Variants in CACNA1B observed in about 807,000 individuals in gnomAD.
CACNA1B encodes the protein calcium voltage-gated channel subunit alpha1 B.
A neutral mutation model predicts 247.2 loss-of-function variants in CACNA1B; 70 were observed. That is an observed-to-expected ratio of 0.28 (90% CI 0.23 to 0.35). The LOEUF is 0.35. CACNA1B is among the 10% of genes least tolerant of loss of function. The probability of loss-of-function intolerance (pLI) is 1.00; values close to 1 mark genes in which losing one functional copy is unlikely to be tolerated. For missense variants in CACNA1B, 2,367 were observed against 3,197.4 expected (o/e 0.74, Z 6.26); for synonymous variants, 1,231 against 1,294.4 (o/e 0.95, Z 1.05).
chr9:137,993,509 G>T (rs963850508), intron 15 of CACNA1B, among the ~76,000 whole-genome samples: 1 of 152,016 alleles, frequency 6.6e-6, no homozygotes, highest in Non-Finnish European at 1.5e-5. Context: ...TGAAATGGGA[G>T]ATATTACTAC....
At chr9:137,944,694 C>T (rs1178472193) in intron 6 of CACNA1B, among the ~76,000 whole-genome samples, 1 of 152,130 alleles carries the variant, frequency 6.6e-6, no homozygotes, top group African/African-American at 2.4e-5. Flanking sequence ...CCTAGCTTTT[C>T]TGTATGTTGT....
At chr9:137,947,975 CTTTTTTTTTTT>C (rs71387878) in intron 6 of CACNA1B, among the ~76,000 whole-genome samples, 18 of 79,442 alleles carry the variant, frequency 2.3e-4, no homozygotes, top group Non-Finnish European at 3.4e-4. Flanking sequence ...TTCAGCATTC[CTTTTTTTTTTT>C]TTTTTTTTTT....
chr9:138,040,233 T>G (rs1485698015), intron 20 of CACNA1B, among the ~76,000 whole-genome samples: 1 of 152,136 alleles, frequency 6.6e-6, no homozygotes, highest in Non-Finnish European at 1.5e-5. Flanking sequence ...CCACTGCGCC[T>G]GGCCTATATT....
chr9:137,930,795 C>A (rs978018981), intron 6 of CACNA1B, among the ~76,000 whole-genome samples: 4 of 151,732 alleles, frequency 2.6e-5, no homozygotes, highest in African/African-American at 7.3e-5. Context: ...TTTAGACTTG[C>A]TATTTTTTTT....
chr9:138,047,329 G>A (rs566312894), intron 22 of CACNA1B, 70 bp from the exon 23 acceptor site: 29 of 1,197,718 alleles, frequency 2.4e-5, no homozygotes, highest in East Asian at 1.2e-4. Flanking sequence ...GGAAAAACTC[G>A]GAGCCACCGA....
rs1455134094 is a variant in CACNA1B at position 138,102,571 on chromosome 9, G to T, written c.5223-140G>T. On this transcript the variant is annotated intron_variant, in intron 37 of 46. Transcript: ENST00000371372. The surrounding 1 kb of genome is among the most constrained non-coding windows in gnomAD (Gnocchi z 5.4). ...TATTTTGATTTTGGGCTTTGAATCC[G>T]ACACTTTGATTAACTGGCTCTGTTT... 27 of 536,306 alleles carry T rather than the reference G, an allele frequency of 5.0e-5. 1 individual carries two copies. Among genetic ancestry groups the T allele is most frequent in the South Asian group, 3.8e-4 (15 of 39,966 alleles). The allele number at this position is 536,306 out of a possible 1,614,324, so 33.2% of individuals were successfully genotyped here. A position where few individuals can be genotyped will look rare whatever the true frequency, so the allele number is the denominator to read the frequency against.
In CACNA1B at chr9:138,012,453, C is replaced by T. The variant is rs902980065; in HGVS notation, c.2161-676C>T. Among the ~76,000 whole-genome samples the T allele has an allele frequency of 6.6e-6, 1 of 152,072 alleles. No homozygotes were observed. The highest frequency in any genetic ancestry group is 1.9e-4 in the East Asian group (1 of 5,162). On this transcript the variant is annotated intron_variant, in intron 17 of 46. Transcript: ENST00000371372. The surrounding 1 kb of genome is among the most constrained non-coding windows in gnomAD (Gnocchi z 4.2). The stretch of plus-strand genomic sequence containing the variant: ...CAAGTTTGAGGTGCCATGGTACAGA[C>T]AAGCTGAAGGCCAGGCATGGTAGCT...
chr9:137,921,289 C>A (rs1192093237), intron 6 of CACNA1B, among the ~76,000 whole-genome samples: 5 of 150,728 alleles, frequency 3.3e-5, no homozygotes, highest in Non-Finnish European at 7.4e-5. Flanking sequence ...GTAAAGCGTT[C>A]GGAGAACATG....
rs760974649 is a variant in CACNA1B at position 138,007,769 on chromosome 9, A to C, written c.2092+885A>C. Among the ~76,000 whole-genome samples the C allele has an allele frequency of 5.9e-5, 9 of 152,138 alleles. No homozygotes were observed. The highest frequency in any genetic ancestry group is 1.0e-4 in the Non-Finnish European group (7 of 68,014). Reference sequence around the variant, plus strand: ...TGACAGAACACCCCACAGGGCCCCGAGGAGCTGGAGACAATGTCTCACAGT... The same window carrying C: ...TGACAGAACACCCCACAGGGCCCCGCGGAGCTGGAGACAATGTCTCACAGT... On this transcript the variant is annotated intron_variant, in intron 16 of 46. Coordinates refer to ENST00000371372, the MANE Select transcript of CACNA1B (RefSeq NM_000718.4). This position sits in a 1 kb window ranked among gnomAD's most constrained non-coding sequence, Gnocchi z 4.1.
chr9:138,063,285 G>T (rs918244201), intron 31 of CACNA1B, among the ~76,000 whole-genome samples: 1 of 152,172 alleles, frequency 6.6e-6, no homozygotes, highest in Admixed American at 6.5e-5. Context: ...TTCAGCCTAG[G>T]AGTTGGAGAC....
intron 6 of CACNA1B, among the ~76,000 whole-genome samples, chr9:137,939,279 A>T (rs1032304619): frequency 6.6e-6 from 1 of 152,204 alleles, no homozygotes; most frequent in Non-Finnish European, 1.5e-5. Context: ...TCATCAGTGT[A>T]TGGAACTCTC....
At position 137,986,845 on chromosome 9, in the gene CACNA1B, T is replaced by C. The variant is rs1318867494; in HGVS notation, c.1965T>C (p.Thr655=). ...ACACCTTCCCTGCCGCCATCCTCAC[T>C]GTCTTCCAGGTAAGGCACCTGCTCT... ...NFDTFPAAIL[T]VFQILTGEDW... Residue 655 remains threonine (T), a synonymous_variant, in exon 15 of 47, where the codon ACT becomes ACC. Transcript: ENST00000371372. The surrounding 1 kb of genome is among the most constrained non-coding windows in gnomAD (Gnocchi z 6.0). 3.7e-6 allele frequency: 6 copies of C among 1,613,428 alleles called. No individual in the cohort carries two copies. The African/African-American group carries it at 5.3e-5, about 14-fold the overall frequency.
chr9:138,092,979 T>C (rs1344130531), intron 36 of CACNA1B, among the ~76,000 whole-genome samples: 4 of 152,100 alleles, frequency 2.6e-5, no homozygotes, highest in Admixed American at 2.0e-4. Flanking sequence ...GTGATTAATA[T>C]CCATTTCTCC....
In CACNA1B at chr9:138,100,011, T is replaced by G. The variant is rs968098638; in HGVS notation, c.5223-2700T>G. Among the ~76,000 whole-genome samples the G allele has an allele frequency of 6.6e-6, 1 of 152,382 alleles. No homozygotes were observed. The highest frequency in any genetic ancestry group is 2.4e-5 in the African/African-American group (1 of 41,596). On this transcript the variant is annotated intron_variant, in intron 37 of 46. Coordinates refer to ENST00000371372, the MANE Select transcript of CACNA1B (RefSeq NM_000718.4). The surrounding 1 kb of genome is among the most constrained non-coding windows in gnomAD (Gnocchi z 4.6). ...ATGCTGTCAGAACACTCAGCCAGGC[T>G]TGGCAGTGAGACCACATGGTGACTG...
In CACNA1B at chr9:138,121,851, C is replaced by T. The variant is rs1222036403; in HGVS notation, c.6872C>T (p.Ser2291Phe). Residue 2291 changes from serine to phenylalanine, a missense_variant, in exon 47 of 47, where the codon TCC becomes TTC. Ser to Phe is a radical substitution (Grantham distance 155, BLOSUM62 -2). Around this residue, in one of 12 missense-constraint regions of CACNA1B, gnomAD observed 773 missense variants for 779.4 expected, o/e 0.99. Transcript: ENST00000371372. This position sits in a 1 kb window ranked among gnomAD's most constrained non-coding sequence, Gnocchi z 6.8. The stretch of plus-strand genomic sequence containing the variant: ...GCTGTGGCCACCAACTCGGGCCGCT[C>T]CTCCAGGACTTCCTACGTGTCCTCC... ...EEAVATNSGR[S>F]SRTSYVSSLT... 2 of 1,613,432 alleles carry T rather than the reference C, an allele frequency of 1.2e-6. No individual in the cohort carries two copies. The highest frequency in any genetic ancestry group is 1.7e-6 in the Non-Finnish European group (2 of 1,179,890).
At chr9:137,893,364 A>C (rs1375337385) in intron 3 of CACNA1B, among the ~76,000 whole-genome samples, 1 of 151,294 alleles carries the variant, frequency 6.6e-6, no homozygotes, top group Non-Finnish European at 1.5e-5. Context: ...TAAAAAAAAA[A>C]AAAACACTGG....
At chr9:138,003,104 T>C (rs771588335) in intron 15 of CACNA1B, among the ~76,000 whole-genome samples, 7 of 150,982 alleles carry the variant, frequency 4.6e-5, no homozygotes, top group Non-Finnish European at 8.9e-5. Context: ...CCCAAATTTC[T>C]TTTTTTTAAT....
chr9:137,984,399 A>G (rs1302151412), intron 13 of CACNA1B, 149 bp downstream of exon 13: 1 of 666,490 alleles, frequency 1.5e-6, no homozygotes, highest in Non-Finnish European at 2.6e-6. Context: ...GGTGGTTCCA[A>G]AACGGCCTTG....
chr9:138,098,985 G>A (rs1961150665), intron 37 of CACNA1B, among the ~76,000 whole-genome samples: 1 of 152,248 alleles, frequency 6.6e-6, no homozygotes, highest in South Asian at 2.1e-4. Flanking sequence ...GGCACCTTGA[G>A]CCTTTTTGGT....
Sources: allele counts gnomAD v4.1 joint callset (sites outside exome capture counted in the v4.1 genomes callset), GRCh38; gene constraint gnomAD v4.1.1; regional missense constraint gnomAD v4.1.1; non-coding constraint Gnocchi (gnomAD v3.1); transcripts MANE v1.5; gene names NCBI Gene and HGNC (gene_info 2026-07-23, HGNC 2026-07-21).